The following STAU2 variants were observed in gnomAD, a reference collection of about 807,000 sequenced individuals.
STAU2 encodes the protein staufen double-stranded RNA binding protein 2.
Under a neutral mutation model 65.9 loss-of-function variants are expected in STAU2, and 20 were observed. The observed-to-expected ratio is 0.30, with a 90% confidence interval of 0.21 to 0.44. The LOEUF is 0.44. Among genes scored for constraint, STAU2 ranks in the 20% least tolerant of loss-of-function variants. The probability of loss-of-function intolerance (pLI) is 1.00; values close to 1 mark genes in which losing one functional copy is unlikely to be tolerated. For synonymous variants in STAU2, 232 were observed against 233.9 expected (o/e 0.99, Z 0.07); for missense variants, 558 against 683.9 (o/e 0.82, Z 2.05).
At chr8:73,651,503 G>C in intron 6 of STAU2, 1 of 720,148 alleles carries the variant, frequency 1.4e-6, no homozygotes, top group Non-Finnish European at 2.5e-6. Context: ...GTCACTGCAC[G>C]CACCCCTGGC....
intron 4 of STAU2, among the ~76,000 whole-genome samples, chr8:73,690,012 C>A (rs7824013): frequency 0.87 from 128,909 of 148,810 alleles, 56,119 homozygotes; most frequent in East Asian, 0.96. Context: ...AAAAAAAAAA[C>A]AAAGAATGCA....
intron 6 of STAU2, among the ~76,000 whole-genome samples, chr8:73,658,729 A>G (rs977613292): frequency 6.6e-6 from 1 of 152,060 alleles, no homozygotes; most frequent in African/African-American, 2.4e-5. Flanking sequence ...CCTGGCCAAC[A>G]TGGTGAAACC....
intron 6 of STAU2, chr8:73,652,215 A>C (rs1815942842): frequency 6.6e-6 from 1 of 152,192 alleles, no homozygotes; most frequent in Non-Finnish European, 1.5e-5. Context: ...TATCAAACTC[A>C]GGCAGATAAT....
intron 13 of STAU2, among the ~76,000 whole-genome samples, chr8:73,450,122 T>C (rs1376182273): frequency 6.6e-6 from 1 of 152,170 alleles, no homozygotes; most frequent in Non-Finnish European, 1.5e-5. Context: ...AATTTAGACA[T>C]TTTAAAATAT....
chr8:73,710,079 C>A (rs949728272), intron 3 of STAU2, among the ~76,000 whole-genome samples: 2 of 152,096 alleles, frequency 1.3e-5, no homozygotes, highest in Admixed American at 1.3e-4. Context: ...TTAAAGAGAG[C>A]ATGCTGTCAA....
rs1372236162 is a variant in STAU2, at chr8:73,595,217, C to T, written c.1110G>A (p.Leu370=). The T allele has an allele frequency of 6.2e-7, 1 of 1,611,406 alleles. No individual in the cohort carries two copies. Among genetic ancestry groups the T allele is most frequent in the Non-Finnish European group, 8.5e-7 (1 of 1,178,998 alleles). The change falls in exon 11 of 15, where the codon CTG becomes CTA. Residue 370 remains leucine (L), a synonymous_variant. Coordinates refer to ENST00000524300, the MANE Select transcript of STAU2 (RefSeq NM_001164380.2). The part of the protein sequence containing the change: ...IAKKNAAEAM[L]LQLGYKASTN... Reference sequence around the variant, plus strand: ...TGGATGCTTTATAACCAAGTTGTAACAGCATTGCTTCTGCAGCATTTTTTT... The same window carrying T: ...TGGATGCTTTATAACCAAGTTGTAATAGCATTGCTTCTGCAGCATTTTTTT...
In STAU2 at chr8:73,421,344, C is replaced by G. The variant is rs1333642783; in HGVS notation, c.*28G>C. On this transcript the variant is annotated 3_prime_UTR_variant, in exon 15 of 15. Coordinates refer to ENST00000524300, the MANE Select transcript of STAU2 (RefSeq NM_001164380.2). Reference sequence around the variant, plus strand: ...GCGTGCTGACAGGTTTATAAGGATGCGGTGGCAGCCGCGGGTTCTGGGAGC... The same window carrying G: ...GCGTGCTGACAGGTTTATAAGGATGGGGTGGCAGCCGCGGGTTCTGGGAGC... 1 of 1,531,296 alleles carries G rather than the reference C, an allele frequency of 6.5e-7. No homozygotes were observed. Among genetic ancestry groups the G allele is most frequent in the African/African-American group, 1.4e-5 (1 of 72,922 alleles). The allele number at this position is 1,531,296 out of a possible 1,614,324, so 94.9% of individuals were successfully genotyped here. A position where few individuals can be genotyped will look rare whatever the true frequency, so the allele number is the denominator to read the frequency against.
At position 73,637,463 on chromosome 8, in the gene STAU2, TAAAG is replaced by T. The variant is rs1563473633; in HGVS notation, c.411-20016_411-20013del. Among the ~76,000 whole-genome samples, 22 of 56,634 alleles carry T rather than the reference TAAAG, an allele frequency of 3.9e-4. 1 individual carries two copies. Among genetic ancestry groups the T allele is most frequent in the African/African-American group, 1.2e-3 (19 of 16,326 alleles). The allele number at this position is 56,634 out of a possible 152,430, so 37.2% of individuals were successfully genotyped here. On this transcript the variant is annotated intron_variant, in intron 6 of 14. Coordinates refer to ENST00000524300, the MANE Select transcript of STAU2 (RefSeq NM_001164380.2). ...TGGAACAACATCTTTAAAGTCTTTA[TAAAG>T]TGCTGAAAGTAAAAAAAAAAAAAAA...
At chr8:73,699,729 C>A (rs1010475650) in intron 4 of STAU2, among the ~76,000 whole-genome samples, 1 of 151,958 alleles carries the variant, frequency 6.6e-6, no homozygotes, top group African/African-American at 2.4e-5. Context: ...CTGCTGAATT[C>A]TACCAAATAT....
intron 9 of STAU2, among the ~76,000 whole-genome samples, chr8:73,607,321 T>C (rs772956470): frequency 2.0e-5 from 3 of 152,222 alleles, no homozygotes; most frequent in East Asian, 1.9e-4. Flanking sequence ...TCAAAGCTTA[T>C]TGAGAAATGT....
chr8:73,606,353 A>G (rs886965802), intron 9 of STAU2, among the ~76,000 whole-genome samples: 1 of 152,072 alleles, frequency 6.6e-6, no homozygotes. Flanking sequence ...ACCTGTATCC[A>G]GAGTATATAA....
chr8:73,704,180 A>G (rs960185004), intron 4 of STAU2, among the ~76,000 whole-genome samples: 1 of 152,232 alleles, frequency 6.6e-6, no homozygotes, highest in African/African-American at 2.4e-5. Context: ...TCATATAACA[A>G]TCACTACATA....
chr8:73,428,599 C>G (rs1055343694), intron 13 of STAU2, among the ~76,000 whole-genome samples: 20 of 152,116 alleles, frequency 1.3e-4, no homozygotes, highest in African/African-American at 4.8e-4. Flanking sequence ...TAGGGCTTCT[C>G]GGTCCTGTTT....
intron 6 of STAU2, among the ~76,000 whole-genome samples, chr8:73,666,945 T>C (rs930482410): frequency 2.6e-5 from 4 of 152,200 alleles, no homozygotes; most frequent in African/African-American, 4.8e-5. Flanking sequence ...CTACCCTTCA[T>C]TGTGGCCATA....
intron 3 of STAU2, among the ~76,000 whole-genome samples, chr8:73,726,764 G>GT (rs2130732222): frequency 6.6e-6 from 1 of 152,086 alleles, no homozygotes; most frequent in Non-Finnish European, 1.5e-5. Context: ...GAGCATATTA[G>GT]TAAGAACTGT....
chr8:73,506,096 C>A (rs1395413900), intron 13 of STAU2, among the ~76,000 whole-genome samples: 2 of 152,058 alleles, frequency 1.3e-5, no homozygotes, highest in African/African-American at 4.8e-5. Context: ...AGCTAATGAA[C>A]CCTATTTTCT....
chr8:73,638,269 A>C (rs759976123), intron 6 of STAU2, among the ~76,000 whole-genome samples: 1 of 152,006 alleles, frequency 6.6e-6, no homozygotes, highest in South Asian at 2.1e-4. Context: ...GGCTCTGAGA[A>C]CTTCTACAAT....
chr8:73,493,133 C>T (rs1198321708), intron 13 of STAU2, among the ~76,000 whole-genome samples: 1 of 151,796 alleles, frequency 6.6e-6, no homozygotes, highest in African/African-American at 2.4e-5. Context: ...CAAAATTTAA[C>T]TTGAGGTCTA....
At chr8:73,610,266 C>A (rs374989828) in intron 9 of STAU2, among the ~76,000 whole-genome samples, 9 of 145,796 alleles carry the variant, frequency 6.2e-5, no homozygotes, top group Admixed American at 6.1e-4. Flanking sequence ...ACAAGTGAGA[C>A]CCTGTTTAAA....
Sources: gnomAD v4.1 joint callset for allele counts (sites outside exome capture counted in the v4.1 genomes callset) on GRCh38, gnomAD v4.1.1 for gene constraint, MANE v1.5 for transcripts, NCBI Gene and HGNC (gene_info 2026-07-23, HGNC 2026-07-21) for gene names.